The following CXADR variants were observed in gnomAD, a reference collection of about 807,000 sequenced individuals.
CXADR encodes the protein CXADR cell adhesion molecule.
Under a neutral mutation model 40.3 loss-of-function variants are expected in CXADR, and 20 were observed. That is an observed-to-expected ratio of 0.50 (90% confidence interval 0.35 to 0.72). The LOEUF (loss-of-function observed/expected upper bound fraction) is 0.72, where lower values mean the gene tolerates loss of function less well. CXADR is among the 30% of genes least tolerant of loss of function. The probability of loss-of-function intolerance (pLI) is 0.01; values close to 1 mark genes in which losing one functional copy is unlikely to be tolerated. For missense variants in CXADR, 332 were observed against 449.1 expected (o/e 0.74, Z 2.36); for synonymous variants, 150 against 161.3 (o/e 0.93, Z 0.53).
At chr21:17,559,969 G>A (rs1478673368) in intron 4 of CXADR, among the ~76,000 whole-genome samples, 1 of 82,236 alleles carries the variant, frequency 1.2e-5, no homozygotes, top group African/African-American at 4.2e-5. Context: ...TGCGCCTGGC[G>A]AATTTTTTTT....
intron 1 of CXADR, among the ~76,000 whole-genome samples, chr21:17,522,407 G>A (rs759948699): frequency 1.3e-4 from 19 of 151,912 alleles, no homozygotes; most frequent in Non-Finnish European, 2.2e-4. Context: ...CTCGGCCTCC[G>A]AAAGTGCTGG....
At position 17,566,955 on chromosome 21, in the gene CXADR, AAAAG is replaced by A. The variant is rs1351617824; in HGVS notation, c.*1271_*1274del. ...GAAGGTGATTTATTCTTAAAAAAAAAAAAGAAAGAAAAAGAAAAAAAGATAAGAA... is the reference window on the plus strand; with the variant it reads ...GAAGGTGATTTATTCTTAAAAAAAAAAAAGAAAAAGAAAAAAAGATAAGAA... On this transcript the variant is annotated 3_prime_UTR_variant, in exon 7 of 7. Transcript: ENST00000284878. 2 of 979,190 alleles carry A rather than the reference AAAAG, an allele frequency of 2.0e-6. No individual in the cohort carries two copies. The highest frequency in any genetic ancestry group is 3.5e-5 in the African/African-American group (2 of 57,052). 60.7% of individuals were successfully genotyped at this position (979,190 alleles called of 1,614,324 possible). A position where few individuals can be genotyped will look rare whatever the true frequency, so the allele number is the denominator to read the frequency against.
chr21:17,630,331 T>C, the CXADR span, among the ~76,000 whole-genome samples: 606 of 152,322 alleles, frequency 4.0e-3, 6 homozygotes, highest in African/African-American at 0.014. Context: ...ACTTGCGTAA[T>C]TGCTTTTTCT....
intron 1 of CXADR, among the ~76,000 whole-genome samples, chr21:17,517,929 GAT>G (rs1394807616): frequency 2.6e-5 from 4 of 152,144 alleles, no homozygotes; most frequent in Admixed American, 6.5e-5. Context: ...CCATACCAAA[GAT>G]ATGTTACCCA....
the CXADR span, among the ~76,000 whole-genome samples, chr21:17,619,778 G>A: frequency 7.2e-5 from 8 of 111,080 alleles, no homozygotes; most frequent in Non-Finnish European, 1.2e-4. Flanking sequence ...AGATCTTCTG[G>A]ATAAATTGCT....
At chr21:17,583,611 G>A (rs1456293485) in intron 7 of CXADR, among the ~76,000 whole-genome samples, 6 of 152,294 alleles carry the variant, frequency 3.9e-5, no homozygotes, top group East Asian at 1.9e-4. Flanking sequence ...ACACACACTC[G>A]AAATCCACTT....
chr21:17,528,555 G>C (rs562257468), intron 1 of CXADR, among the ~76,000 whole-genome samples: 6 of 151,834 alleles, frequency 4.0e-5, no homozygotes, highest in African/African-American at 1.4e-4. Flanking sequence ...ACAGGCATGC[G>C]CCACCACGCC....
chr21:17,558,831 T>C (rs1343129343), intron 3 of CXADR, 145 bp from the exon 4 acceptor site: 2 of 764,678 alleles, frequency 2.6e-6, no homozygotes, highest in African/African-American at 3.6e-5. Context: ...AAACTGATGT[T>C]GATCACTTAC....
intron 3 of CXADR, among the ~76,000 whole-genome samples, chr21:17,552,461 G>T (rs1461978364): frequency 2.0e-5 from 3 of 152,158 alleles, no homozygotes; most frequent in African/African-American, 7.2e-5. Context: ...ATATCTTATA[G>T]CCCTCTCTGT....
At chr21:17,629,567 C>T in the CXADR span, among the ~76,000 whole-genome samples, 1 of 151,292 alleles carries the variant, frequency 6.6e-6, no homozygotes, top group Non-Finnish European at 1.5e-5. Context: ...CTGTCTCAAA[C>T]AAAACAAAAC....
the CXADR span, among the ~76,000 whole-genome samples, chr21:17,616,428 C>T: frequency 6.7e-6 from 1 of 150,106 alleles, no homozygotes; most frequent in Non-Finnish European, 1.5e-5. Flanking sequence ...CTCCGCCTGC[C>T]AGGTTCACGC....
chr21:17,555,640 A>G (rs956403629), intron 3 of CXADR, among the ~76,000 whole-genome samples: 1 of 151,298 alleles, frequency 6.6e-6, no homozygotes, highest in African/African-American at 2.4e-5. Context: ...AATCTCCTCC[A>G]GTCACGTCTG....
intron 1 of CXADR, among the ~76,000 whole-genome samples, chr21:17,541,141 G>A (rs2060821958): frequency 1.3e-5 from 2 of 152,118 alleles, no homozygotes; most frequent in African/African-American, 4.8e-5. Context: ...TTACCACCTA[G>A]AGTCCATAGT....
chr21:17,581,731 G>A (rs1433900743), intron 7 of CXADR, among the ~76,000 whole-genome samples: 1 of 151,826 alleles, frequency 6.6e-6, no homozygotes, highest in Non-Finnish European at 1.5e-5. Context: ...TGTAGTCCCA[G>A]CTACTCAGGA....
At position 17,569,035 on chromosome 21, in the gene CXADR, CAAGTA is replaced by C. The variant is rs1035501233; in HGVS notation, c.*3347_*3351del. 1.0e-6 allele frequency: 1 copy of C among 985,072 alleles called. No homozygotes were observed. The highest frequency in any genetic ancestry group is 1.7e-5 in the African/African-American group (1 of 57,168). The allele number at this position is 985,072 out of a possible 1,614,324, so 61.0% of individuals were successfully genotyped here. A position where few individuals can be genotyped will look rare whatever the true frequency, so the allele number is the denominator to read the frequency against. On this transcript the variant is annotated 3_prime_UTR_variant, in exon 7 of 7. Transcript: ENST00000284878. ...AAGAGTTAATCTTGGAAATTTGGAA[CAAGTA>C]AAGGGGCAAGTAAACCTTTTGATGA...
the CXADR span, among the ~76,000 whole-genome samples, chr21:17,606,844 C>T: frequency 6.6e-6 from 1 of 152,062 alleles, no homozygotes; most frequent in Non-Finnish European, 1.5e-5. Flanking sequence ...CATACATGTT[C>T]GTCTGCATTT....
chr21:17,547,321 T>C (rs1386312107), intron 2 of CXADR, 128 bp downstream of exon 2: 1 of 1,356,000 alleles, frequency 7.4e-7, no homozygotes, highest in Non-Finnish European at 9.9e-7. Flanking sequence ...TCTCAGGCTT[T>C]ATGGTCTGGG....
rs80145263 is a variant in CXADR at position 17,585,454 on chromosome 21, C to T, written c.1018-7698C>T. ...AGGAGTATATAAAGTAAAAGCTCCC[C>T]CATCCATTAAACTATTAATAGTGGT... On this transcript the variant is annotated intron_variant, in intron 7 of 7. Coordinates refer to the CXADR transcript ENST00000400169. Among the ~76,000 whole-genome samples, 600 of 152,136 alleles carry T rather than the reference C, an allele frequency of 3.9e-3. 5 individuals are homozygous for T. The highest frequency in any genetic ancestry group is 0.014 in the African/African-American group (576 of 41,500).
At chr21:17,607,960 C>T in the CXADR span, among the ~76,000 whole-genome samples, 1 of 152,168 alleles carries the variant, frequency 6.6e-6, no homozygotes, top group Non-Finnish European at 1.5e-5. Flanking sequence ...CAGCAGAGTA[C>T]AAAAGACAGC....
Sources: allele counts gnomAD v4.1 joint callset (sites outside exome capture counted in the v4.1 genomes callset), GRCh38; gene constraint gnomAD v4.1.1; transcripts MANE v1.5; gene names NCBI Gene and HGNC (gene_info 2026-07-23, HGNC 2026-07-21).